Variants in ACSM3 observed in about 807,000 individuals in gnomAD.
ACSM3 encodes acyl-CoA synthetase medium chain family member 3.
Under a neutral mutation model 74.1 loss-of-function variants are expected in ACSM3, and 61 were observed. The ratio of observed to expected loss-of-function variants is 0.82; its 90% CI spans 0.67 to 1.02. The LOEUF (loss-of-function observed/expected upper bound fraction) is 1.02. Ranked by LOEUF, ACSM3 falls within the 50% of genes least tolerant of loss-of-function variation. ACSM3 has a pLI of 0.00. For synonymous variants in ACSM3, 213 were observed against 241.5 expected, an observed-to-expected ratio of 0.88 and a Z score of 1.09; for missense variants, 660 against 697.0, an observed-to-expected ratio of 0.95 and a Z score of 0.60.
At chr16:20,695,706 G>T in intron 1 of ACSM3, among the ~76,000 whole-genome samples, 1 of 137,178 alleles carries the variant, frequency 7.3e-6, no homozygotes. Context: ...TATCTATCTA[G>T]ATATATAAGA....
At chr16:20,700,373 T>C (rs1264986519) in intron 1 of ACSM3, among the ~76,000 whole-genome samples, 2 of 152,050 alleles carry the variant, frequency 1.3e-5, no homozygotes, top group Admixed American at 6.5e-5. Flanking sequence ...ATGGTGATAC[T>C]GCCAAAAAGA....
intron 1 of ACSM3, among the ~76,000 whole-genome samples, chr16:20,696,915 T>C (rs1398390236): frequency 2.0e-5 from 3 of 152,218 alleles, no homozygotes; most frequent in African/African-American, 4.8e-5. Context: ...GTGCTGTTCA[T>C]GTCTCTGAAC....
chr16:20,726,913 T>C (rs1250193070), intron 1 of ACSM3, among the ~76,000 whole-genome samples: 2 of 152,222 alleles, frequency 1.3e-5, no homozygotes, highest in African/African-American at 4.8e-5. Flanking sequence ...GCAAGTTCTT[T>C]AAACTCTCTG....
At chr16:20,775,792 A>G (rs1456981341) in intron 2 of ACSM3, 47 bp from the exon 3 acceptor site, 1 of 1,587,886 alleles carries the variant, frequency 6.3e-7, no homozygotes, top group African/African-American at 1.3e-5. Flanking sequence ...CCCAGAATTT[A>G]GCTGTATAAC....
intron 4 of ACSM3, chr16:20,780,494 A>AT (rs2080328601): frequency 1.2e-6 from 1 of 834,112 alleles, no homozygotes; most frequent in Non-Finnish European, 1.8e-6. Flanking sequence ...GAAAGCAGCT[A>AT]TTATAAATGG....
chr16:20,692,097 T>A (rs528980886), intron 1 of ACSM3, among the ~76,000 whole-genome samples: 3 of 152,194 alleles, frequency 2.0e-5, no homozygotes, highest in Non-Finnish European at 4.4e-5. Flanking sequence ...CTTGAGACTA[T>A]AAAGATACTG....
At chr16:20,775,552 A>G (rs1468820534) in intron 2 of ACSM3, among the ~76,000 whole-genome samples, 2 of 152,052 alleles carry the variant, frequency 1.3e-5, no homozygotes, top group Admixed American at 6.5e-5. Context: ...TTCAGGTCTC[A>G]GAGAGTTTTG....
chr16:20,678,558 C>T (rs542635112), intron 1 of ACSM3, among the ~76,000 whole-genome samples: 7 of 152,236 alleles, frequency 4.6e-5, no homozygotes, highest in African/African-American at 1.7e-4. Flanking sequence ...TAAGTCAAGG[C>T]CTTCCTCACC....
intron 1 of ACSM3, chr16:20,685,168 A>G: frequency 1.2e-6 from 2 of 1,613,588 alleles, no homozygotes; most frequent in Admixed American, 3.3e-5. Flanking sequence ...CCCGAGGTCC[A>G]CCAGGTCCCT....
At chr16:20,703,519 G>GTCCT (rs919794618) in intron 1 of ACSM3, 7 of 151,868 alleles carry the variant, frequency 4.6e-5, no homozygotes, top group African/African-American at 1.7e-4. Flanking sequence ...CCTTGAAGAT[G>GTCCT]TCCTTCGCAG....
chr16:20,761,046 C>A (rs192802489), upstream of ACSM3, among the ~76,000 whole-genome samples: 358 of 152,324 alleles, frequency 2.4e-3, no homozygotes, highest in Non-Finnish European at 3.8e-3. Flanking sequence ...GAAAGCCCAG[C>A]CTCTTCCTCC....
At chr16:20,725,372 C>A in intron 1 of ACSM3, 1 of 246,564 alleles carries the variant, frequency 4.1e-6, no homozygotes. Context: ...ACACTTACCA[C>A]TTATCCCATC....
At chr16:20,767,699 T>C (rs2080143023) in intron 1 of ACSM3, among the ~76,000 whole-genome samples, 2 of 152,138 alleles carry the variant, frequency 1.3e-5, no homozygotes, top group Non-Finnish European at 2.9e-5. Flanking sequence ...TGCCAAGAAA[T>C]TTTTGTTAAT....
At chr16:20,689,501 A>G (rs1188870321) in intron 1 of ACSM3, among the ~76,000 whole-genome samples, 1 of 152,158 alleles carries the variant, frequency 6.6e-6, no homozygotes, top group Non-Finnish European at 1.5e-5. Context: ...TCCCCAGTCA[A>G]AAGACATAGA....
chr16:20,792,444 A>G, intron 12 of ACSM3, 109 bp downstream of exon 12: 1 of 1,552,418 alleles, frequency 6.4e-7, no homozygotes, highest in South Asian at 1.2e-5. Flanking sequence ...TTTACTAAAT[A>G]TGCAAGTCAG....
intron 1 of ACSM3, among the ~76,000 whole-genome samples, chr16:20,747,629 C>T (rs2079963294): frequency 3.3e-5 from 5 of 152,178 alleles, no homozygotes; most frequent in Admixed American, 3.3e-4. Flanking sequence ...CTTCTTTGAG[C>T]ACTTCTAGAT....
intron 2 of ACSM3, among the ~76,000 whole-genome samples, chr16:20,771,350 C>A (rs967527197): frequency 6.6e-6 from 1 of 151,334 alleles, no homozygotes; most frequent in African/African-American, 2.4e-5. Flanking sequence ...CGTGAGCCAC[C>A]CACCACGCCA....
chr16:20,691,277 A>G (rs1468752963), intron 1 of ACSM3: 1 of 1,134,660 alleles, frequency 8.8e-7, no homozygotes, highest in Non-Finnish European at 1.2e-6. Context: ...CTGTGTATCC[A>G]AAACTTTCTC....
chr16:20,718,052 C>T (rs2079772056), intron 1 of ACSM3, among the ~76,000 whole-genome samples: 1 of 148,102 alleles, frequency 6.8e-6, no homozygotes, highest in African/African-American at 2.5e-5. Flanking sequence ...AAGAACTGGA[C>T]TGTTAAATTT....
Sources: allele counts gnomAD v4.1 joint callset (sites outside exome capture counted in the v4.1 genomes callset), GRCh38; gene constraint gnomAD v4.1.1; transcripts MANE v1.5; gene names NCBI Gene and HGNC (gene_info 2026-07-23, HGNC 2026-07-21).